FAM227B: variants seen among roughly 807,000 people sequenced by gnomAD.
FAM227B encodes family with sequence similarity 227 member B.
A neutral mutation model predicts 73.8 loss-of-function variants in FAM227B; 88 were observed. The ratio of observed to expected loss-of-function variants is 1.19; its 90% CI spans 1.00 to 1.42. The LOEUF is 1.42. Among genes scored for constraint, FAM227B ranks in the 40% most tolerant of loss-of-function variants. The probability of loss-of-function intolerance (pLI) is 0.00; values close to 1 mark genes in which losing one functional copy is unlikely to be tolerated. For missense variants in FAM227B, 632 were observed against 590.9 expected (o/e 1.07, Z -0.72); for synonymous variants, 210 against 190.5 (o/e 1.10, Z -0.84).
intron 11 of FAM227B, chr15:49,484,299 T>C: frequency 1.5e-5 from 24 of 1,576,650 alleles, no homozygotes; most frequent in Non-Finnish European, 2.1e-5. Context: ...TTTGTTTGTT[T>C]GTTTTAACAG....
At chr15:49,442,501 G>T (rs1021862747) in intron 11 of FAM227B, among the ~76,000 whole-genome samples, 1 of 151,628 alleles carries the variant, frequency 6.6e-6, no homozygotes, top group Non-Finnish European at 1.5e-5. Flanking sequence ...TTAGAACCAG[G>T]AGTTGGAAGT....
chr15:49,531,027 C>G (rs2060567866), intron 10 of FAM227B, among the ~76,000 whole-genome samples: 1 of 151,554 alleles, frequency 6.6e-6, no homozygotes, highest in Non-Finnish European at 1.5e-5. Context: ...GACAACAACT[C>G]AACACATTCT....
At chr15:49,500,056 C>T (rs1378703416) in intron 11 of FAM227B, among the ~76,000 whole-genome samples, 2 of 152,012 alleles carry the variant, frequency 1.3e-5, no homozygotes. Flanking sequence ...AATGAAAGGG[C>T]AAGCAACATA....
intron 1 of FAM227B, chr15:49,620,311 T>TCTA (rs781403183): frequency 6.6e-6 from 1 of 152,250 alleles, no homozygotes; most frequent in African/African-American, 2.4e-5. Flanking sequence ...ATGTCCTTTA[T>TCTA]CTACCACTTG....
chr15:49,516,858 T>C (rs754703785), intron 10 of FAM227B, among the ~76,000 whole-genome samples: 13 of 152,134 alleles, frequency 8.5e-5, no homozygotes, highest in Non-Finnish European at 1.5e-4. Context: ...GGCAGGCTCA[T>C]TGAATTCACA....
At chr15:49,348,679 G>C (rs2041863848) in intron 13 of FAM227B, among the ~76,000 whole-genome samples, 1 of 152,112 alleles carries the variant, frequency 6.6e-6, no homozygotes, top group Non-Finnish European at 1.5e-5. Flanking sequence ...AGTAGGTTGG[G>C]TGAACACAAA....
At chr15:49,393,286 G>T (rs575323079) in intron 11 of FAM227B, among the ~76,000 whole-genome samples, 4 of 152,044 alleles carry the variant, frequency 2.6e-5, no homozygotes, top group African/African-American at 9.7e-5. Flanking sequence ...GGAGGGTGCT[G>T]TGGTTCACCC....
At chr15:49,364,234 A>G (rs1463817982) in intron 13 of FAM227B, among the ~76,000 whole-genome samples, 1 of 152,090 alleles carries the variant, frequency 6.6e-6, no homozygotes, top group Admixed American at 6.6e-5. Flanking sequence ...CTGTGAATCC[A>G]TCTAGTCCTG....
chr15:49,518,812 A>G (rs1329606773), intron 10 of FAM227B, among the ~76,000 whole-genome samples: 3 of 152,142 alleles, frequency 2.0e-5, no homozygotes, highest in Admixed American at 2.0e-4. Flanking sequence ...GCCCCTCCCA[A>G]AACTCATGTC....
chr15:49,405,229 T>C (rs1161399112), intron 11 of FAM227B, among the ~76,000 whole-genome samples: 1 of 152,158 alleles, frequency 6.6e-6, no homozygotes, highest in East Asian at 1.9e-4. Flanking sequence ...ATTATGTGTC[T>C]TGGGATGATC....
chr15:49,478,070 A>G lies in FAM227B; in HGVS notation c.1012+30141T>C, dbSNP rs184453848. Reference sequence around the variant, plus strand: ...CTAATGGTTTTTCAACCCTTCCCTCATCTACTCCCCGCCAGTAGTCCCCAG... The same window carrying G: ...CTAATGGTTTTTCAACCCTTCCCTCGTCTACTCCCCGCCAGTAGTCCCCAG... On this transcript the variant is annotated intron_variant, in intron 11 of 15. Transcript: ENST00000299338. 1.1e-3 allele frequency among the ~76,000 whole-genome samples: 163 copies of G among 152,234 alleles called. 1 individual carries two copies. Among genetic ancestry groups the G allele is most frequent in the African/African-American group, 3.9e-3 (162 of 41,540 alleles).
chr15:49,511,826 T>C (rs1445724184), intron 10 of FAM227B, among the ~76,000 whole-genome samples: 3 of 152,182 alleles, frequency 2.0e-5, no homozygotes, highest in African/African-American at 7.2e-5. Flanking sequence ...GGTGTATATG[T>C]ACCGCATATC....
intron 11 of FAM227B, among the ~76,000 whole-genome samples, chr15:49,403,763 T>C (rs929077011): frequency 1.3e-5 from 2 of 152,124 alleles, no homozygotes; most frequent in Admixed American, 1.3e-4. Flanking sequence ...TCTCCTTCAG[T>C]TTAGCTCTGA....
At chr15:49,557,758 A>G (rs1311101636) in intron 9 of FAM227B, among the ~76,000 whole-genome samples, 4 of 152,134 alleles carry the variant, frequency 2.6e-5, no homozygotes, top group Non-Finnish European at 5.9e-5. Context: ...GACATGAGAG[A>G]TATTCCTGAC....
At position 49,615,207 on chromosome 15, in the gene FAM227B, C is replaced by G. The variant is rs765054837; in HGVS notation, c.-36G>C. 1.2e-6 allele frequency: 2 copies of G among 1,606,854 alleles called. No individual in the cohort carries two copies. Among genetic ancestry groups the G allele is most frequent in the South Asian group, 1.1e-5 (1 of 90,948 alleles). On this transcript the variant is annotated 5_prime_UTR_variant, in exon 2 of 16. Transcript: ENST00000299338. ...CTTTGCAGAAATGAAGAGAAATCAG[C>G]TGGGTCTTAGGCTTCAATGTGAGTT...
intron 11 of FAM227B, among the ~76,000 whole-genome samples, chr15:49,381,792 T>C (rs1012212677): frequency 1.3e-5 from 2 of 152,174 alleles, no homozygotes; most frequent in African/African-American, 4.8e-5. Flanking sequence ...CACAAGATAA[T>C]CATTTTAATA....
chr15:49,571,438 G>C (rs7166202), intron 8 of FAM227B, among the ~76,000 whole-genome samples: 41,936 of 151,670 alleles, frequency 0.28, 6,025 homozygotes, highest in East Asian at 0.38. Flanking sequence ...ACAAACCAAC[G>C]TCATGGAGCT....
At chr15:49,371,193 TA>T in intron 12 of FAM227B, 108 bp downstream of exon 12, 3 of 526,282 alleles carry the variant, frequency 5.7e-6, no homozygotes, top group Non-Finnish European at 1.0e-5. Context: ...TTCCAAAATA[TA>T]TGGTAAGAAT....
At chr15:49,357,622 G>C (rs1232941899) in intron 13 of FAM227B, among the ~76,000 whole-genome samples, 1 of 150,234 alleles carries the variant, frequency 6.7e-6, no homozygotes, top group Non-Finnish European at 1.5e-5. Flanking sequence ...AAAGAGTCCA[G>C]GACCAGATGG....
Sources: gnomAD v4.1 joint callset for allele counts (sites outside exome capture counted in the v4.1 genomes callset) on GRCh38, gnomAD v4.1.1 for gene constraint, MANE v1.5 for transcripts, NCBI Gene and HGNC (gene_info 2026-07-23, HGNC 2026-07-21) for gene names.